Variants in KCNA6 observed in about 807,000 individuals in gnomAD.
The protein encoded by KCNA6 is potassium voltage-gated channel subfamily A member 6.
In KCNA6, 17 loss-of-function variants were observed where a neutral mutation model predicts 29.5. The ratio of observed to expected loss-of-function variants is 0.58; its 90% CI spans 0.39 to 0.86. The LOEUF (loss-of-function observed/expected upper bound fraction) is 0.86. KCNA6 is among the 40% of genes least tolerant of loss of function. KCNA6 has a pLI of 0.00. For synonymous variants in KCNA6, 296 were observed against 304.7 expected, an observed-to-expected ratio of 0.97 and a Z score of 0.30; for missense variants, 450 against 703.4, an observed-to-expected ratio of 0.64 and a Z score of 4.07.
chr12:4,816,316 G>A (rs1264022926), downstream of KCNA6, among the ~76,000 whole-genome samples: 1 of 150,156 alleles, frequency 6.7e-6, no homozygotes, highest in African/African-American at 2.5e-5. Flanking sequence ...GCTTCGTTTT[G>A]ACATCAAATT....
chr12:4,833,931 A>AATT, the KCNA6 span, among the ~76,000 whole-genome samples: 1 of 141,888 alleles, frequency 7.0e-6, no homozygotes, highest in Non-Finnish European at 1.5e-5. Flanking sequence ...TTTAAATTAA[A>AATT]TTTTTTTTTT....
chr12:4,827,441 A>G, the KCNA6 span, among the ~76,000 whole-genome samples: 19,823 of 152,150 alleles, frequency 0.13, 1,629 homozygotes, highest in African/African-American at 0.22. Context: ...AAGAAAAGAC[A>G]TTTCTATATT....
the KCNA6 span, among the ~76,000 whole-genome samples, chr12:4,832,474 A>ACAATACGCTTT: frequency 2.0e-5 from 3 of 152,102 alleles, no homozygotes; most frequent in Non-Finnish European, 4.4e-5. Context: ...TACTCCTGAG[A>ACAATACGCTTT]CAATACGCTT....
downstream of KCNA6, among the ~76,000 whole-genome samples, chr12:4,816,284 G>C (rs1051585088): frequency 1.0e-4 from 15 of 150,324 alleles, no homozygotes; most frequent in Non-Finnish European, 3.0e-5. Context: ...GTGTGTGTGT[G>C]TGTGTGTGTG....
At chr12:4,818,673 G>C in the KCNA6 span, among the ~76,000 whole-genome samples, 2 of 152,274 alleles carry the variant, frequency 1.3e-5, no homozygotes, top group Non-Finnish European at 2.9e-5. Context: ...CTTCAGGGGA[G>C]ATGGAACAGA....
At chr12:4,813,961 TC>T (rs1946657877), downstream of KCNA6, 1 of 167,054 alleles carries the variant, frequency 6.0e-6, no homozygotes, top group Non-Finnish European at 1.5e-5. Context: ...GTAGCAACCT[TC>T]CAGACTGTTC....
In KCNA6 at chr12:4,811,628, C is replaced by T; in HGVS notation, c.1587C>T (p.Val529=). 6.2e-7 allele frequency: 1 copy of T among 1,611,604 alleles called. No individual in the cohort carries two copies. The highest frequency in any genetic ancestry group is 8.5e-7 in the Non-Finnish European group (1 of 1,178,268). ...CAGAGAAAAGAATGCTCACGGAGGT[C>T]TGACCCATGCAGGCAGGGCCTGCAG... The change falls in exon 1 of 1, where the codon GTC becomes GTT. Residue 529 remains valine, a synonymous_variant. Coordinates refer to ENST00000280684, the Ensembl canonical transcript of KCNA6. This position sits in a 1 kb window ranked among gnomAD's most constrained non-coding sequence, Gnocchi z 7.1.
At chr12:4,845,775 A>G in the KCNA6 span, among the ~76,000 whole-genome samples, 1 of 152,068 alleles carries the variant, frequency 6.6e-6, no homozygotes, top group Non-Finnish European at 1.5e-5. Flanking sequence ...ATATTAGTCT[A>G]AGGGTAAAAA....
the KCNA6 span, among the ~76,000 whole-genome samples, chr12:4,849,750 T>C: frequency 6.6e-6 from 1 of 152,248 alleles, no homozygotes; most frequent in Non-Finnish European, 1.5e-5. Context: ...CTTTTCCTTC[T>C]GCAGAAATCT....
At chr12:4,815,705 C>T (rs1946675075), downstream of KCNA6, among the ~76,000 whole-genome samples, 2 of 152,186 alleles carry the variant, frequency 1.3e-5, no homozygotes, top group South Asian at 4.1e-4. Context: ...ATCTGGCTGT[C>T]TCTCTCGGGT....
chr12:4,811,954 A>C lies in KCNA6; in HGVS notation c.*323A>C. ...ATTTTTCATGTCTGGGACTTACAAT[A>C]TCTCAAGGAACAGCAATGTCAACAG... On this transcript the variant is annotated 3_prime_UTR_variant, in exon 1 of 1. Coordinates refer to ENST00000280684, the Ensembl canonical transcript of KCNA6. The surrounding 1 kb of genome is among the most constrained non-coding windows in gnomAD (Gnocchi z 7.1). 4 of 291,220 alleles carry C rather than the reference A, an allele frequency of 1.4e-5. No individual in the cohort carries two copies. Among genetic ancestry groups the C allele is most frequent in the Non-Finnish European group, 2.7e-5 (4 of 146,518 alleles). The allele number at this position is 291,220 out of a possible 1,614,324, so 18.0% of individuals were successfully genotyped here.
the KCNA6 span, chr12:4,842,600 T>G: frequency 6.6e-6 from 1 of 152,262 alleles, no homozygotes. Flanking sequence ...AGCAACCATG[T>G]CTTCACGTGG....
the KCNA6 span, among the ~76,000 whole-genome samples, chr12:4,829,717 C>T: frequency 1.3e-5 from 2 of 152,046 alleles, no homozygotes; most frequent in Non-Finnish European, 2.9e-5. Context: ...AAAAAAAAGT[C>T]TCTAGAGGTT....
At chr12:4,832,394 G>A in the KCNA6 span, among the ~76,000 whole-genome samples, 1 of 152,112 alleles carries the variant, frequency 6.6e-6, no homozygotes, top group African/African-American at 2.4e-5. Flanking sequence ...AGTGAGAGGT[G>A]CAGGGACGCA....
Position 4,811,506 on chromosome 12 carries a change from C to T in KCNA6, c.1465C>T (p.Leu489=), listed in dbSNP as rs1034011594. ...CACTTGTGGGCAGCCTGCGCCGGAC[C>T]TGAGGGCAACTGACAACGGACTTGG... The change falls in exon 1 of 1, where the codon CTG becomes TTG. Residue 489 remains leucine, a synonymous_variant. Transcript: ENST00000280684. This position sits in a 1 kb window ranked among gnomAD's most constrained non-coding sequence, Gnocchi z 7.1. The T allele has an allele frequency of 9.9e-6, 16 of 1,614,076 alleles. No individual in the cohort carries two copies. The highest frequency in any genetic ancestry group is 1.6e-4 in the Middle Eastern group (1 of 6,084).
chr12:4,848,215 C>A, the KCNA6 span, among the ~76,000 whole-genome samples: 2 of 149,064 alleles, frequency 1.3e-5, no homozygotes, highest in African/African-American at 5.0e-5. Context: ...CCACCTGCAA[C>A]CAGTTTTTAG....
In KCNA6 at chr12:4,810,076, C is replaced by G; in HGVS notation, c.35C>G (p.Pro12Arg). 6.5e-7 allele frequency: 1 copy of G among 1,550,078 alleles called. No homozygotes were observed. The highest frequency in any genetic ancestry group is 8.7e-7 in the Non-Finnish European group (1 of 1,151,098). The stretch of plus-strand genomic sequence containing the variant: ...GAGAAATCCCTTACGCTGGCGGCGC[C>G]GGGGGAGGTCCGTGGGCCGGAGGGA... The change falls in exon 1 of 1, where the codon CCG (proline) becomes CGG (arginine). Residue 12 changes from proline to arginine, a missense_variant. By Grantham distance (103) the Pro-to-Arg change is moderately radical (BLOSUM62 -2). Transcript: ENST00000280684. The surrounding 1 kb of genome is among the most constrained non-coding windows in gnomAD (Gnocchi z 7.5).
the KCNA6 span, among the ~76,000 whole-genome samples, chr12:4,824,574 T>C: frequency 1.3e-5 from 2 of 152,128 alleles, no homozygotes; most frequent in Admixed American, 6.5e-5. Flanking sequence ...GACTTACCCA[T>C]TGAGAATCCC....
At chr12:4,833,785 G>C in the KCNA6 span, among the ~76,000 whole-genome samples, 1 of 152,150 alleles carries the variant, frequency 6.6e-6, no homozygotes, top group African/African-American at 2.4e-5. Flanking sequence ...CTTTCCTTAG[G>C]CTGTGGTTAG....
Sources: gnomAD v4.1 joint callset for allele counts (sites outside exome capture counted in the v4.1 genomes callset) on GRCh38, gnomAD v4.1.1 for gene constraint, Gnocchi (gnomAD v3.1) non-coding constraint, MANE v1.5 for transcripts, NCBI Gene and HGNC (gene_info 2026-07-23, HGNC 2026-07-21) for gene names.